Variants in NTSR1 observed in about 807,000 individuals in gnomAD.
The protein encoded by NTSR1 is neurotensin receptor 1, also known as neurotensin receptor type 1.
NTSR1 carries 29 observed loss-of-function variants against 31.2 expected under a neutral mutation model. That is an observed-to-expected ratio of 0.93 (90% CI 0.69 to 1.27). The LOEUF (loss-of-function observed/expected upper bound fraction) is 1.27. Among genes scored for constraint, NTSR1 ranks in the 50% most tolerant of loss-of-function variants. The pLI, the probability that NTSR1 is intolerant of heterozygous loss-of-function variation, is 0.00. For missense variants in NTSR1, 697 were observed against 595.4 expected (o/e 1.17, Z -1.78); for synonymous variants, 282 against 269.9 (o/e 1.04, Z -0.44).
intron 1 of NTSR1, among the ~76,000 whole-genome samples, chr20:62,735,742 G>T (rs1989080139): frequency 6.6e-6 from 1 of 152,212 alleles, no homozygotes; most frequent in Non-Finnish European, 1.5e-5. Context: ...ACCTCCTGAG[G>T]CTGGCGTGCA....
At position 62,715,005 on chromosome 20, in the gene NTSR1, C is replaced by T. The variant is rs906702613; in HGVS notation, c.714+5084C>T. Among the ~76,000 whole-genome samples the T allele has an allele frequency of 6.6e-6, 1 of 152,042 alleles. No individual in the cohort carries two copies. The highest frequency in any genetic ancestry group is 1.5e-5 in the Non-Finnish European group (1 of 68,012). Reference sequence around the variant, plus strand: ...ATGCAATGTCTCAGATTTACTGAAGCGTGATCTGGGGGAAGGGGCTGTGGG... The same window carrying T: ...ATGCAATGTCTCAGATTTACTGAAGTGTGATCTGGGGGAAGGGGCTGTGGG... On this transcript the variant is annotated intron_variant, in intron 1 of 3. Coordinates refer to ENST00000370501, the MANE Select transcript of NTSR1 (RefSeq NM_002531.3). The surrounding 1 kb of genome is among the most constrained non-coding windows in gnomAD (Gnocchi z 4.7).
chr20:62,716,804 C>T (rs960112774), intron 1 of NTSR1, among the ~76,000 whole-genome samples: 2 of 152,200 alleles, frequency 1.3e-5, no homozygotes, highest in African/African-American at 4.8e-5. Context: ...GCTGCCTGCA[C>T]GAGGCTAGCT....
chr20:62,760,391 T>C lies in NTSR1; in HGVS notation c.*124T>C. 1 of 1,114,022 alleles carries C rather than the reference T, an allele frequency of 9.0e-7. No individual in the cohort carries two copies. Among genetic ancestry groups the C allele is most frequent in the Non-Finnish European group, 1.2e-6 (1 of 805,980 alleles). The allele number at this position is 1,114,022 out of a possible 1,614,324, so 69.0% of individuals were successfully genotyped here. A position where few individuals can be genotyped will look rare whatever the true frequency, so the allele number is the denominator to read the frequency against. ...GCAGAGGCCAGCCTGCACTGGAGTC[T>C]GAGGCCTGGGACCCCCCCCTCCCAC... is the stretch of plus-strand genomic sequence containing the variant. On this transcript the variant is annotated 3_prime_UTR_variant, in exon 4 of 4. Coordinates refer to ENST00000370501, the MANE Select transcript of NTSR1 (RefSeq NM_002531.3).
chr20:62,754,808 G>A lies in NTSR1; in HGVS notation c.838G>A (p.Gly280Arg), dbSNP rs768629051. 2.4e-5 allele frequency: 39 copies of A among 1,610,376 alleles called. No individual in the cohort carries two copies. In the East Asian group the frequency reaches 6.5e-4, roughly 27 times the overall value. ...CGAGCAGGGCCAAGTGTGCACGGTC[G>A]GGGGCGAGCACAGCACATTCAGCAT... The part of the protein sequence containing the change: ...AAEQGQVCTV[G>R]GEHSTFSMAI... The change falls in exon 2 of 4, where the codon GGG becomes AGG. Residue 280 changes from glycine to arginine, a missense_variant. By Grantham distance (125) the Gly-to-Arg change is moderately radical (BLOSUM62 -2). Coordinates refer to ENST00000370501, the MANE Select transcript of NTSR1 (RefSeq NM_002531.3).
Position 62,709,366 on chromosome 20 carries a change from G to A in NTSR1, c.159G>A (p.Glu53=), listed in dbSNP as rs778870733. 3.9e-5 allele frequency: 63 copies of A among 1,609,482 alleles called. No homozygotes were observed. In the Middle Eastern group the frequency reaches 2.6e-3, roughly 67 times the overall value. Reference sequence around the variant, plus strand: ...GCGTCCTGGCGGCACCCAGCAGCGAGCTGGACGTGAACACCGACATCTACT... The same window carrying A: ...GCGTCCTGGCGGCACCCAGCAGCGAACTGGACGTGAACACCGACATCTACT... ...SERVLAAPSS[E]LDVNTDIYSK... The change falls in exon 1 of 4, where the codon GAG becomes GAA. Residue 53 remains glutamate, a synonymous_variant. Coordinates refer to ENST00000370501, the MANE Select transcript of NTSR1 (RefSeq NM_002531.3).
intron 1 of NTSR1, among the ~76,000 whole-genome samples, chr20:62,734,912 G>A (rs533882750): frequency 1.3e-5 from 2 of 152,292 alleles, no homozygotes; most frequent in South Asian, 2.1e-4. Flanking sequence ...CTATTTCCAC[G>A]GGACTGTGCT....
At position 62,761,947 on chromosome 20, in the gene NTSR1, C is replaced by G. The variant is rs1434840316; in HGVS notation, c.*1680C>G. 1 of 152,294 alleles carries G rather than the reference C, an allele frequency of 6.6e-6. No individual in the cohort carries two copies. The highest frequency in any genetic ancestry group is 2.4e-5 in the African/African-American group (1 of 41,444). The allele number at this position is 152,294 out of a possible 1,614,324, so 9.4% of individuals were successfully genotyped here. ...TTGCCCCCACAAGCCTGGTCATCAGCCAGGCAGCCCTCCCAGTGCCCAAGG... is the reference window on the plus strand; with the variant it reads ...TTGCCCCCACAAGCCTGGTCATCAGGCAGGCAGCCCTCCCAGTGCCCAAGG... On this transcript the variant is annotated 3_prime_UTR_variant, in exon 4 of 4. Transcript: ENST00000370501.
intron 1 of NTSR1, among the ~76,000 whole-genome samples, chr20:62,713,995 G>A (rs1006829978): frequency 1.3e-5 from 2 of 152,214 alleles, no homozygotes; most frequent in African/African-American, 4.8e-5. Context: ...AGCTACTTGG[G>A]AGGCTGAGGC....
intron 1 of NTSR1, among the ~76,000 whole-genome samples, chr20:62,723,942 C>T (rs1481296811): frequency 6.6e-6 from 1 of 152,230 alleles, no homozygotes; most frequent in African/African-American, 2.4e-5. Flanking sequence ...GCGGAGGCAG[C>T]AGCCTCTGGG....
At chr20:62,729,862 A>T (rs924809280) in intron 1 of NTSR1, among the ~76,000 whole-genome samples, 1 of 152,094 alleles carries the variant, frequency 6.6e-6, no homozygotes, top group African/African-American at 2.4e-5. Flanking sequence ...ACCTCAAGTG[A>T]TCTGCCTGCC....
chr20:62,749,628 A>G (rs2147145949), intron 1 of NTSR1, among the ~76,000 whole-genome samples: 1 of 152,338 alleles, frequency 6.6e-6, no homozygotes, highest in East Asian at 1.9e-4. Context: ...TTAAAAATGG[A>G]AAAGGGGCCT....
At chr20:62,721,507 T>G (rs1002561472) in intron 1 of NTSR1, among the ~76,000 whole-genome samples, 1 of 152,276 alleles carries the variant, frequency 6.6e-6, no homozygotes, top group Non-Finnish European at 1.5e-5. Flanking sequence ...TGTCTCACTG[T>G]CTGTCCGTGG....
At chr20:62,731,429 T>C (rs1286362368) in intron 1 of NTSR1, among the ~76,000 whole-genome samples, 1 of 152,152 alleles carries the variant, frequency 6.6e-6, no homozygotes, top group Non-Finnish European at 1.5e-5. Context: ...TCATTTTTTT[T>C]GTGGATTATG....
intron 1 of NTSR1, among the ~76,000 whole-genome samples, chr20:62,751,907 T>C (rs576577436): frequency 6.6e-6 from 1 of 152,296 alleles, no homozygotes; most frequent in Non-Finnish European, 1.5e-5. Flanking sequence ...CAGATGGAGC[T>C]TCTGTCTGAT....
At chr20:62,728,722 C>T (rs994279104) in intron 1 of NTSR1, among the ~76,000 whole-genome samples, 4 of 152,104 alleles carry the variant, frequency 2.6e-5, no homozygotes, top group Non-Finnish European at 4.4e-5. Context: ...GGCCAACACC[C>T]GGAGGCCAAG....
chr20:62,744,693 C>T lies in NTSR1; in HGVS notation c.715-9992C>T, dbSNP rs926237135. Reference sequence around the variant, plus strand: ...GATAAGCAGAAATCGCGCCACTGCACTCCAGCCTGGGCAACAAGAGCAAAG... The same window carrying T: ...GATAAGCAGAAATCGCGCCACTGCATTCCAGCCTGGGCAACAAGAGCAAAG... On this transcript the variant is annotated intron_variant, in intron 1 of 3. Transcript: ENST00000370501. This position sits in a 1 kb window ranked among gnomAD's most constrained non-coding sequence, Gnocchi z 4.1. Among the ~76,000 whole-genome samples the T allele has an allele frequency of 2.0e-5, 3 of 152,112 alleles. No homozygotes were observed. The highest frequency in any genetic ancestry group is 2.9e-5 in the Non-Finnish European group (2 of 68,038).
At chr20:62,723,422 C>A (rs3787533) in intron 1 of NTSR1, among the ~76,000 whole-genome samples, 99,486 of 152,084 alleles carry the variant, frequency 0.65, 35,836 homozygotes, top group East Asian at 0.94. Context: ...CGAATAGAGC[C>A]GTCCGGAATG....
intron 1 of NTSR1, among the ~76,000 whole-genome samples, chr20:62,727,942 C>A (rs1419037232): frequency 6.6e-6 from 1 of 152,260 alleles, no homozygotes; most frequent in Non-Finnish European, 1.5e-5. Context: ...CCTGCACTCA[C>A]TCACCTCCTG....
intron 1 of NTSR1, among the ~76,000 whole-genome samples, chr20:62,753,578 G>C (rs1480108157): frequency 2.0e-5 from 3 of 152,208 alleles, no homozygotes; most frequent in African/African-American, 7.2e-5. Context: ...GAGGATCCCG[G>C]GCAGCTTGGC....
Sources: allele counts gnomAD v4.1 joint callset (sites outside exome capture counted in the v4.1 genomes callset), GRCh38; gene constraint gnomAD v4.1.1; non-coding constraint Gnocchi (gnomAD v3.1); transcripts MANE v1.5; gene names NCBI Gene and HGNC (gene_info 2026-07-23, HGNC 2026-07-21).